OR2C1: variants seen among roughly 807,000 people sequenced by gnomAD.
The protein encoded by OR2C1 is olfactory receptor family 2 subfamily C member 1.
For synonymous variants in OR2C1, 209 were observed against 167.3 expected (o/e 1.25, Z -1.92); for missense variants, 468 against 388.3 (o/e 1.21, Z -1.73).
the OR2C1 span, among the ~76,000 whole-genome samples, chr16:3,332,049 G>A: frequency 7.0e-6 from 1 of 142,368 alleles, no homozygotes; most frequent in Admixed American, 7.4e-5. Flanking sequence ...ACACAGGAAG[G>A]GGAACATCTC....
the OR2C1 span, among the ~76,000 whole-genome samples, chr16:3,330,138 G>C: frequency 6.7e-6 from 1 of 148,294 alleles, no homozygotes; most frequent in South Asian, 2.2e-4. Flanking sequence ...ATGGTGTCTC[G>C]CTCTGTTGCC....
At chr16:3,353,220 G>A (rs113276533), upstream of OR2C1, among the ~76,000 whole-genome samples, 62 of 151,818 alleles carry the variant, frequency 4.1e-4, no homozygotes, top group African/African-American at 1.4e-3. Flanking sequence ...GGCCGGTCGC[G>A]GTGGCTCACG....
At chr16:3,354,396 A>G (rs918374240), upstream of OR2C1, among the ~76,000 whole-genome samples, 2 of 152,186 alleles carry the variant, frequency 1.3e-5, no homozygotes, top group African/African-American at 4.8e-5. Flanking sequence ...AATTATGAAT[A>G]CCCATTAACT....
the OR2C1 span, chr16:3,322,966 A>G: frequency 5.1e-6 from 5 of 983,370 alleles, no homozygotes; most frequent in East Asian, 5.7e-4. Context: ...GAGGCAGCCA[A>G]TGTAGAAAAT....
the OR2C1 span, among the ~76,000 whole-genome samples, chr16:3,324,776 T>C: frequency 6.6e-6 from 1 of 152,072 alleles, no homozygotes; most frequent in Non-Finnish European, 1.5e-5. Context: ...CACGTATATA[T>C]ATGTACATAC....
chr16:3,331,230 G>A, the OR2C1 span, among the ~76,000 whole-genome samples: 2 of 152,002 alleles, frequency 1.3e-5, no homozygotes, highest in African/African-American at 4.8e-5. Context: ...TTTTTGATGG[G>A]GTTGTTTGTT....
chr16:3,335,615 C>T, the OR2C1 span, among the ~76,000 whole-genome samples: 1 of 148,212 alleles, frequency 6.7e-6, no homozygotes, highest in Admixed American at 6.9e-5. Flanking sequence ...CAACCTCCAC[C>T]TCCTGGGTTC....
Position 3,356,573 on chromosome 16 carries a change from A to C in OR2C1, c.633A>C (p.Leu211=), listed in dbSNP as rs747826276. Reference sequence around the variant, plus strand: ...GCACCTTCTTCACTGCAGTCCCACTAAGCATCATCGTGATCTCCTACTGCC... The same window carrying C: ...GCACCTTCTTCACTGCAGTCCCACTCAGCATCATCGTGATCTCCTACTGCC... ...GVCTFFTAVP[L]SIIVISYCLI... Residue 211 remains leucine (L), a synonymous_variant, in exon 1 of 1, where the codon CTA becomes CTC. Transcript: ENST00000304936. 1.9e-6 allele frequency: 3 copies of C among 1,614,040 alleles called. No homozygotes were observed. The highest frequency in any genetic ancestry group is 1.7e-6 in the Non-Finnish European group (2 of 1,180,040).
chr16:3,348,838 G>A, the OR2C1 span, among the ~76,000 whole-genome samples: 1 of 152,074 alleles, frequency 6.6e-6, no homozygotes, highest in African/African-American at 2.4e-5. Context: ...CTTCTCACAG[G>A]GTGCCCTGTG....
At chr16:3,342,704 C>A in the OR2C1 span, among the ~76,000 whole-genome samples, 1 of 152,076 alleles carries the variant, frequency 6.6e-6, no homozygotes, top group African/African-American at 2.4e-5. Flanking sequence ...ATGGTGAAAC[C>A]CTGTCTCTAC....
At chr16:3,330,525 A>C in the OR2C1 span, among the ~76,000 whole-genome samples, 1 of 152,198 alleles carries the variant, frequency 6.6e-6, no homozygotes, top group Admixed American at 6.5e-5. Context: ...ATAGACCCGC[A>C]TAGATAAAGC....
At chr16:3,343,486 T>C in the OR2C1 span, among the ~76,000 whole-genome samples, 1 of 152,194 alleles carries the variant, frequency 6.6e-6, no homozygotes, top group African/African-American at 2.4e-5. Context: ...GCGCGGTGGC[T>C]CACGCCTGTG....
At chr16:3,327,507 C>CTTACA in the OR2C1 span, among the ~76,000 whole-genome samples, 2 of 151,846 alleles carry the variant, frequency 1.3e-5, no homozygotes, top group East Asian at 3.9e-4. Flanking sequence ...CTCAAGATGG[C>CTTACA]TTTGTAAGAA....
the OR2C1 span, among the ~76,000 whole-genome samples, chr16:3,337,154 C>CT: frequency 0.57 from 83,954 of 147,692 alleles, 24,454 homozygotes; most frequent in Non-Finnish European, 0.63. Flanking sequence ...TGTGTCCGGC[C>CT]TTTTTTTTTC....
At chr16:3,357,545 T>C (rs1463851526), downstream of OR2C1, among the ~76,000 whole-genome samples, 2 of 152,198 alleles carry the variant, frequency 1.3e-5, no homozygotes, top group African/African-American at 4.8e-5. Context: ...TTTTTATTTT[T>C]ATTTTTTACA....
chr16:3,354,052 C>G (rs2030619839), upstream of OR2C1, among the ~76,000 whole-genome samples: 1 of 148,358 alleles, frequency 6.7e-6, no homozygotes, highest in Admixed American at 6.8e-5. Context: ...AGTGCAATCT[C>G]AACTCACTGC....
chr16:3,349,149 C>G, the OR2C1 span, among the ~76,000 whole-genome samples: 2 of 152,048 alleles, frequency 1.3e-5, no homozygotes, highest in African/African-American at 4.8e-5. Flanking sequence ...GTTTTAGGAA[C>G]TAAGTTTGAT....
the OR2C1 span, among the ~76,000 whole-genome samples, chr16:3,344,492 C>T: frequency 6.6e-6 from 1 of 152,120 alleles, no homozygotes; most frequent in South Asian, 2.1e-4. Flanking sequence ...CTTTGGGAGG[C>T]CGAGGCGGGT....
chr16:3,338,538 C>CTTTTTTTTTTTTTTTTTTTTTTTT, the OR2C1 span, among the ~76,000 whole-genome samples: 1 of 103,288 alleles, frequency 9.7e-6, no homozygotes, highest in Admixed American at 1.2e-4. Context: ...GTATAGGTAC[C>CTTTTTTTTTTTTTTTTTTTTTTTT]TTTTTTTTTT....
Sources: gnomAD v4.1 joint callset for allele counts (sites outside exome capture counted in the v4.1 genomes callset) on GRCh38, gnomAD v4.1.1 for gene constraint, MANE v1.5 for transcripts, NCBI Gene and HGNC (gene_info 2026-07-23, HGNC 2026-07-21) for gene names.